GRID2: variants seen among roughly 807,000 people sequenced by gnomAD.
The protein encoded by GRID2 is glutamate receptor ionotropic, delta-2.
GRID2 carries 33 observed loss-of-function variants against 114.8 expected under a neutral mutation model. The observed-to-expected ratio is 0.29, with a 90% confidence interval of 0.22 to 0.38. The LOEUF (loss-of-function observed/expected upper bound fraction) is 0.38. GRID2 is among the 10% of genes least tolerant of loss of function. The pLI is 1.00. For missense variants in GRID2, 1,184 were observed against 1,257.7 expected, an observed-to-expected ratio of 0.94 and a Z score of 0.89; for synonymous variants, 505 against 449.9, an observed-to-expected ratio of 1.12 and a Z score of -1.55.
At chr4:92,840,212 CAGG>C (rs1487094268) in intron 2 of GRID2, among the ~76,000 whole-genome samples, 2 of 151,830 alleles carry the variant, frequency 1.3e-5, no homozygotes, top group Non-Finnish European at 2.9e-5. Flanking sequence ...TGTGTCTTTA[CAGG>C]TAAAGTGTGT....
At chr4:93,620,894 T>C (rs1408265485) in intron 13 of GRID2, among the ~76,000 whole-genome samples, 2 of 152,174 alleles carry the variant, frequency 1.3e-5, no homozygotes, top group Admixed American at 1.3e-4. Context: ...ATTTGAGACT[T>C]GTCCTGATTC....
At chr4:92,967,136 G>A (rs1457400934) in intron 2 of GRID2, among the ~76,000 whole-genome samples, 7 of 151,846 alleles carry the variant, frequency 4.6e-5, no homozygotes, top group Admixed American at 4.6e-4. Context: ...GTTCCAATTA[G>A]CATTTAAAAT....
rs146342092 is a variant in GRID2, at chr4:93,515,250, C to G, written c.2032C>G (p.Pro678Ala). Residue 678 changes from proline (P) to alanine (A), a missense_variant, in exon 13 of 16, where the codon CCT (proline) becomes GCT (alanine). Transcript: ENST00000282020. ...LQDLSKQTEI[P>A]YGTVLDSAVY... ...GGACCTTTCCAAGCAAACAGAAATC[C>G]CTTATGGCACAGTCCTAGACTCTGC... The G allele has an allele frequency of 1.3e-4, 216 of 1,604,096 alleles. No individual in the cohort carries two copies. The African/African-American group carries it at 2.6e-3, about 20-fold the overall frequency.
chr4:93,712,815 G>C (rs527704433), intron 14 of GRID2, among the ~76,000 whole-genome samples: 1 of 152,040 alleles, frequency 6.6e-6, no homozygotes, highest in Non-Finnish European at 1.5e-5. Flanking sequence ...CTGAGTAAAC[G>C]CTACTGCTTG....
intron 13 of GRID2, among the ~76,000 whole-genome samples, chr4:93,534,155 C>T (rs536873221): frequency 1.3e-5 from 2 of 152,122 alleles, no homozygotes; most frequent in African/African-American, 2.4e-5. Context: ...CTTTCCCTGA[C>T]TTCCCTATTT....
rs181267128 is a variant in GRID2, at chr4:93,592,362, C to T, written c.2194-33907C>T. ...GTTGTTCAGTTTCCATGTAGATGAG[C>T]GATTTTGAGTGAGATTCTTAATCCT... On this transcript the variant is annotated intron_variant, in intron 13 of 15. Coordinates refer to ENST00000282020, the MANE Select transcript of GRID2 (RefSeq NM_001510.4). 1.6e-3 allele frequency among the ~76,000 whole-genome samples: 239 copies of T among 152,170 alleles called. 3 individuals carry two copies. Among genetic ancestry groups the T allele is most frequent in the African/African-American group, 5.4e-3 (225 of 41,528 alleles).
At chr4:93,395,464 C>A in intron 8 of GRID2, 143 bp from the exon 9 acceptor site, 1 of 488,148 alleles carries the variant, frequency 2.0e-6, no homozygotes, top group South Asian at 3.4e-5. Context: ...AACTTCATTT[C>A]CTATTTAAAA....
rs756181936 is a variant in GRID2 at position 93,422,754 on chromosome 4, C to G, written c.1348-17C>G. The G allele has an allele frequency of 6.4e-7, 1 of 1,556,008 alleles. No homozygotes were observed. On this transcript the variant is annotated splice_polypyrimidine_tract_variant and intron_variant, in intron 9 of 15. Transcript: ENST00000282020. ...CACTATAGATTGACATCAGAAATTT[C>G]TCTTATTTCCATGTAGGAAGAACCT... is the stretch of plus-strand genomic sequence containing the variant.
chr4:92,795,746 G>A (rs1739834089), intron 2 of GRID2, among the ~76,000 whole-genome samples: 1 of 151,930 alleles, frequency 6.6e-6, no homozygotes, highest in Admixed American at 6.6e-5. Flanking sequence ...TTGTTAATTT[G>A]ATTTCTGGCA....
intron 14 of GRID2, among the ~76,000 whole-genome samples, chr4:93,700,514 A>T (rs1425259951): frequency 1.3e-5 from 2 of 152,130 alleles, no homozygotes; most frequent in African/African-American, 4.8e-5. Flanking sequence ...TCCATACTTC[A>T]TCACTCATTT....
intron 14 of GRID2, among the ~76,000 whole-genome samples, chr4:93,714,657 T>C (rs1466801656): frequency 1.3e-5 from 2 of 152,222 alleles, no homozygotes; most frequent in Non-Finnish European, 2.9e-5. Context: ...ATTGTGGTTT[T>C]GATTTGCATT....
At chr4:92,883,212 G>C (rs1475699498) in intron 2 of GRID2, among the ~76,000 whole-genome samples, 1 of 152,128 alleles carries the variant, frequency 6.6e-6, no homozygotes, top group Admixed American at 6.5e-5. Flanking sequence ...TCCACCTCAA[G>C]AAATCATTTT....
intron 2 of GRID2, among the ~76,000 whole-genome samples, chr4:92,906,307 G>A (rs904906651): frequency 2.1e-5 from 3 of 139,888 alleles, no homozygotes; most frequent in African/African-American, 7.8e-5. Flanking sequence ...CAGTATAACT[G>A]GTGTTCTTGC....
At chr4:93,343,622 G>A (rs1022743441) in intron 8 of GRID2, among the ~76,000 whole-genome samples, 11 of 151,974 alleles carry the variant, frequency 7.2e-5, no homozygotes, top group African/African-American at 2.4e-4. Context: ...TTGTCTACAG[G>A]TATTTATTTA....
intron 11 of GRID2, among the ~76,000 whole-genome samples, chr4:93,482,748 A>G (rs1289541476): frequency 6.6e-6 from 1 of 151,992 alleles, no homozygotes; most frequent in Admixed American, 6.6e-5. Flanking sequence ...AAATGGAACA[A>G]CTTACTCACT....
intron 1 of GRID2, among the ~76,000 whole-genome samples, chr4:93,781,279 TC>T (rs1734472807): frequency 1.3e-5 from 2 of 152,162 alleles, no homozygotes; most frequent in South Asian, 4.1e-4. Context: ...TAAACTGTGC[TC>T]CCCAGATTCC....
intron 8 of GRID2, among the ~76,000 whole-genome samples, chr4:93,246,842 T>C (rs1748270028): frequency 6.6e-6 from 1 of 152,168 alleles, no homozygotes; most frequent in South Asian, 2.1e-4. Context: ...ATCCCAGCAG[T>C]CTCTTGATGG....
At chr4:93,264,682 A>T (rs1319301284) in intron 8 of GRID2, among the ~76,000 whole-genome samples, 2 of 140,116 alleles carry the variant, frequency 1.4e-5, no homozygotes, top group African/African-American at 5.4e-5. Flanking sequence ...TGAGTCCCCC[A>T]CAAGGAGTTA....
chr4:92,368,807 A>T (rs550046355), intron 1 of GRID2, among the ~76,000 whole-genome samples: 2 of 152,194 alleles, frequency 1.3e-5, no homozygotes, highest in Admixed American at 1.3e-4. Flanking sequence ...AGGAAAAATC[A>T]AGAATTCTAA....
Sources: allele counts gnomAD v4.1 joint callset (sites outside exome capture counted in the v4.1 genomes callset), GRCh38; gene constraint gnomAD v4.1.1; transcripts MANE v1.5; gene names NCBI Gene and HGNC (gene_info 2026-07-23, HGNC 2026-07-21).